ALG9: variants seen among roughly 807,000 people sequenced by gnomAD.
ALG9 encodes ALG9 alpha-1,2-mannosyltransferase.
A neutral mutation model predicts 81.8 loss-of-function variants in ALG9; 55 were observed. The observed-to-expected ratio is 0.67, with a 90% CI of 0.54 to 0.84. The LOEUF (loss-of-function observed/expected upper bound fraction) is 0.84. Among genes scored for constraint, ALG9 ranks in the 40% least tolerant of loss-of-function variants. ALG9 has a pLI of 0.00. For synonymous variants in ALG9, 278 were observed against 274.3 expected (o/e 1.01, Z -0.13); for missense variants, 629 against 745.0 (o/e 0.84, Z 1.81).
At chr11:111,796,131 C>T (rs1029772544) in intron 14 of ALG9, among the ~76,000 whole-genome samples, 1 of 152,208 alleles carries the variant, frequency 6.6e-6, no homozygotes, top group African/African-American at 2.4e-5. Context: ...ATTCAATAAT[C>T]TTTATTTTAC....
chr11:111,838,272 GA>G lies in ALG9; in HGVS notation c.1300del (p.Ser434LeufsTer38). On this transcript the variant is annotated frameshift_variant, in exon 11 of 15. Coordinates refer to ENST00000616540, the MANE Select transcript of ALG9 (RefSeq NM_024740.2). LOFTEE classifies it high-confidence loss of function. ...ACCTCTGAACAGTGCCACAGAGCGA[GA>G]AAATGACAAGAGCCCAAACAGGAAG... ...TVFLFGLLSF[S>X]RSVALFRGYH... 6.2e-7 allele frequency: 1 copy of G among 1,614,136 alleles called. No homozygotes were observed. Among genetic ancestry groups the G allele is most frequent in the Non-Finnish European group, 8.5e-7 (1 of 1,179,996 alleles).
downstream of ALG9, among the ~76,000 whole-genome samples, chr11:111,779,125 A>AT (rs571715354): frequency 1.3e-5 from 2 of 151,396 alleles, no homozygotes; most frequent in Non-Finnish European, 2.9e-5. Context: ...ATAGTGGCAA[A>AT]TTTTTTAATG....
intron 10 of ALG9, among the ~76,000 whole-genome samples, chr11:111,838,762 T>C (rs1955742493): frequency 6.6e-6 from 1 of 152,176 alleles, no homozygotes; most frequent in Middle Eastern, 3.2e-3. Context: ...ATCTTTACTA[T>C]CAAAGTTTTT....
chr11:111,823,465 G>C (rs1229863182), intron 13 of ALG9, among the ~76,000 whole-genome samples: 1 of 152,174 alleles, frequency 6.6e-6, no homozygotes, highest in Non-Finnish European at 1.5e-5. Flanking sequence ...TCTATGTCTT[G>C]CTTTTAGTAC....
At chr11:111,832,752 A>G (rs901213668) in intron 13 of ALG9, among the ~76,000 whole-genome samples, 3 of 152,222 alleles carry the variant, frequency 2.0e-5, no homozygotes, top group Non-Finnish European at 2.9e-5. Flanking sequence ...GTTTTCAAAG[A>G]TAACAGATGG....
chr11:111,834,445 G>C (rs1431508941), intron 13 of ALG9, among the ~76,000 whole-genome samples: 1 of 152,196 alleles, frequency 6.6e-6, no homozygotes, highest in Non-Finnish European at 1.5e-5. Flanking sequence ...ATCAGATTAA[G>C]AACACTTGTG....
At chr11:111,781,398 G>A (rs1945930755), downstream of ALG9, among the ~76,000 whole-genome samples, 1 of 152,102 alleles carries the variant, frequency 6.6e-6, no homozygotes, top group Non-Finnish European at 1.5e-5. Flanking sequence ...GTTGTTTAAG[G>A]CCAGCCTGAA....
intron 3 of ALG9, among the ~76,000 whole-genome samples, chr11:111,866,755 C>T (rs782517793): frequency 3.3e-5 from 5 of 151,320 alleles, no homozygotes; most frequent in African/African-American, 4.9e-5. Context: ...TTCTGCTGAG[C>T]CCTTCACCCT....
chr11:111,871,257 G>T, intron 1 of ALG9, 95 bp downstream of exon 1: 2 of 1,330,822 alleles, frequency 1.5e-6, no homozygotes, highest in Non-Finnish European at 1.9e-6. Context: ...AGGCCAGGCC[G>T]GACTGAGCCC....
chr11:111,768,212 T>C, the ALG9 span, among the ~76,000 whole-genome samples: 1 of 152,222 alleles, frequency 6.6e-6, no homozygotes, highest in South Asian at 2.1e-4. Flanking sequence ...GGCATAGGCA[T>C]GTTGAACACA....
chr11:111,857,049 AT>A (rs1555143803), intron 6 of ALG9, among the ~76,000 whole-genome samples: 5 of 152,266 alleles, frequency 3.3e-5, no homozygotes, highest in Non-Finnish European at 7.4e-5. Flanking sequence ...GGAGGTTGTG[AT>A]AAGCCAACAT....
intron 13 of ALG9, among the ~76,000 whole-genome samples, chr11:111,835,218 A>T (rs1244448113): frequency 1.3e-5 from 2 of 152,280 alleles, no homozygotes; most frequent in Admixed American, 1.3e-4. Flanking sequence ...TTATCAGGTT[A>T]TCAAAAAATG....
intron 13 of ALG9, among the ~76,000 whole-genome samples, chr11:111,820,558 T>C (rs1165161329): frequency 6.6e-6 from 1 of 152,154 alleles, no homozygotes; most frequent in Non-Finnish European, 1.5e-5. Flanking sequence ...AGGTGCCACC[T>C]CCTAACACTG....
At chr11:111,836,896 A>G (rs1219537691) in intron 12 of ALG9, among the ~76,000 whole-genome samples, 1 of 152,234 alleles carries the variant, frequency 6.6e-6, no homozygotes, top group Non-Finnish European at 1.5e-5. Flanking sequence ...AACATGACTC[A>G]TCTTAACCAG....
At chr11:111,832,889 G>A (rs577981491) in intron 13 of ALG9, among the ~76,000 whole-genome samples, 7 of 152,198 alleles carry the variant, frequency 4.6e-5, no homozygotes, top group Admixed American at 1.3e-4. Flanking sequence ...ACTATTAACT[G>A]TGCATGGTGA....
intron 5 of ALG9, among the ~76,000 whole-genome samples, chr11:111,859,452 G>A (rs782206327): frequency 2.0e-5 from 3 of 151,578 alleles, no homozygotes; most frequent in Non-Finnish European, 2.9e-5. Context: ...GCAATGAGCC[G>A]AGATGGCATC....
chr11:111,777,675 GGTGA>G (rs1945737264), downstream of ALG9, among the ~76,000 whole-genome samples: 1 of 152,004 alleles, frequency 6.6e-6, no homozygotes, highest in South Asian at 2.1e-4. Context: ...CAAGGAAAGG[GGTGA>G]GTTTTAAAGA....
intron 9 of ALG9, 48 bp downstream of exon 9, chr11:111,844,553 T>G (rs782740449): frequency 1.2e-6 from 2 of 1,612,492 alleles, no homozygotes; most frequent in Non-Finnish European, 1.7e-6. Context: ...TATACACCAT[T>G]ACTTGCTCTT....
chr11:111,786,501 C>T lies in ALG9; in HGVS notation c.1753G>A (p.Ala585Thr), dbSNP rs370612060. ...DASRSSKLLR[A>T]FYVPFLSDQY... ...TCTGACAGGAAGGGGACATAGAATG[C>T]CCGCAGCAGCTTTGAAGATCTGAAA... Residue 585 changes from alanine to threonine, a missense_variant, in exon 15 of 15, where the codon GCA (alanine) becomes ACA (threonine). Transcript: ENST00000616540. The T allele has an allele frequency of 4.7e-5, 76 of 1,613,778 alleles. No homozygotes were observed. The highest frequency in any genetic ancestry group is 1.5e-4 in the Admixed American group (9 of 59,966).
Sources: gnomAD v4.1 joint callset for allele counts (sites outside exome capture counted in the v4.1 genomes callset) on GRCh38, gnomAD v4.1.1 for gene constraint, MANE v1.5 for transcripts, NCBI Gene and HGNC (gene_info 2026-07-23, HGNC 2026-07-21) for gene names.